Variants in RUNDC3B observed in about 807,000 individuals in gnomAD.
The protein encoded by RUNDC3B is RUN domain-containing protein 3B.
In RUNDC3B, 33 loss-of-function variants were observed where a neutral mutation model predicts 58.4. That is an observed-to-expected ratio of 0.56 (90% CI 0.43 to 0.75). The LOEUF (loss-of-function observed/expected upper bound fraction) is 0.75. RUNDC3B is among the 30% of genes least tolerant of loss of function. The probability of loss-of-function intolerance (pLI) is 0.00; values close to 1 mark genes in which losing one functional copy is unlikely to be tolerated. For synonymous variants in RUNDC3B, 193 were observed against 195.2 expected, an observed-to-expected ratio of 0.99 and a Z score of 0.10; for missense variants, 501 against 535.7, an observed-to-expected ratio of 0.94 and a Z score of 0.64.
intron 6 of RUNDC3B, among the ~76,000 whole-genome samples, chr7:87,767,383 T>C (rs191470104): frequency 5.6e-4 from 86 of 152,270 alleles, no homozygotes; most frequent in Non-Finnish European, 1.0e-3. Context: ...GACTGTTAGG[T>C]ATATTGTCTA....
At chr7:87,737,085 A>G (rs1186721835) in intron 4 of RUNDC3B, among the ~76,000 whole-genome samples, 2 of 150,648 alleles carry the variant, frequency 1.3e-5, no homozygotes, top group Admixed American at 6.6e-5. Flanking sequence ...TTTTTTGTAT[A>G]GGTGGGTTTC....
At chr7:87,651,089 C>T in intron 2 of RUNDC3B, 152 bp downstream of exon 2, 1 of 576,884 alleles carries the variant, frequency 1.7e-6, no homozygotes, top group South Asian at 2.1e-5. Context: ...ACGAAAGAGC[C>T]TCTGTTCTCA....
chr7:87,720,347 A>G (rs940947891), intron 4 of RUNDC3B, among the ~76,000 whole-genome samples: 1 of 152,084 alleles, frequency 6.6e-6, no homozygotes, highest in Non-Finnish European at 1.5e-5. Flanking sequence ...AGGCTGATGG[A>G]GGAGTTACAG....
At chr7:87,757,716 A>G (rs1833449269) in intron 6 of RUNDC3B, among the ~76,000 whole-genome samples, 1 of 152,208 alleles carries the variant, frequency 6.6e-6, no homozygotes, top group Admixed American at 6.5e-5. Context: ...GCTATCATGA[A>G]CAAAAAGAAA....
intron 6 of RUNDC3B, among the ~76,000 whole-genome samples, chr7:87,767,008 C>A (rs1459941925): frequency 6.6e-6 from 1 of 151,850 alleles, no homozygotes. Flanking sequence ...GAAATTCTTT[C>A]TTTTGCTTGG....
chr7:87,641,998 A>T (rs996355853), intron 1 of RUNDC3B, among the ~76,000 whole-genome samples: 1 of 152,058 alleles, frequency 6.6e-6, no homozygotes, highest in Non-Finnish European at 1.5e-5. Flanking sequence ...GTATCTTAAC[A>T]TGATAAGAAA....
chr7:87,772,855 A>G (rs1176947068), intron 7 of RUNDC3B, among the ~76,000 whole-genome samples: 1 of 152,132 alleles, frequency 6.6e-6, no homozygotes, highest in East Asian at 1.9e-4. Flanking sequence ...ATTTAGCTGT[A>G]TGCTATTGAT....
At chr7:87,737,828 A>G (rs2130806573) in intron 4 of RUNDC3B, among the ~76,000 whole-genome samples, 1 of 152,190 alleles carries the variant, frequency 6.6e-6, no homozygotes, top group Non-Finnish European at 1.5e-5. Context: ...ATCTTAAATC[A>G]TTCGCTTAGA....
chr7:87,794,812 C>A (rs1835728576), intron 8 of RUNDC3B, among the ~76,000 whole-genome samples: 1 of 151,988 alleles, frequency 6.6e-6, no homozygotes, highest in Non-Finnish European at 1.5e-5. Context: ...TAATAGACAA[C>A]CAAGAAACAA....
At chr7:87,724,868 TTGAG>T (rs1265486468) in intron 4 of RUNDC3B, among the ~76,000 whole-genome samples, 2 of 152,064 alleles carry the variant, frequency 1.3e-5, no homozygotes, top group Non-Finnish European at 1.5e-5. Context: ...ATACATATTA[TTGAG>T]TAATATTTTT....
At chr7:87,774,702 C>CA (rs1303809612) in intron 7 of RUNDC3B, among the ~76,000 whole-genome samples, 6 of 151,660 alleles carry the variant, frequency 4.0e-5, no homozygotes, top group East Asian at 3.8e-4. Flanking sequence ...AATCCCCCGC[C>CA]AAAAAAAACT....
intron 7 of RUNDC3B, among the ~76,000 whole-genome samples, chr7:87,776,030 G>A (rs1834601385): frequency 6.6e-6 from 1 of 152,102 alleles, no homozygotes; most frequent in Non-Finnish European, 1.5e-5. Context: ...TGAATTTAAT[G>A]AACCACAGTA....
intron 4 of RUNDC3B, among the ~76,000 whole-genome samples, chr7:87,725,778 C>A (rs531774247): frequency 3.4e-4 from 52 of 152,310 alleles, no homozygotes; most frequent in African/African-American, 1.1e-3. Context: ...TTAATAATCG[C>A]CATTCTAACT....
chr7:87,669,761 T>TA (rs1257662832), intron 2 of RUNDC3B, among the ~76,000 whole-genome samples: 1 of 152,228 alleles, frequency 6.6e-6, no homozygotes, highest in Non-Finnish European at 1.5e-5. Context: ...AATTCTTGGT[T>TA]GAAGATTTTT....
chr7:87,696,229 T>C (rs1333253447), intron 2 of RUNDC3B, among the ~76,000 whole-genome samples: 1 of 152,180 alleles, frequency 6.6e-6, no homozygotes, highest in East Asian at 1.9e-4. Context: ...CTTCAAGATA[T>C]AGAGTAGTCA....
chr7:87,813,913 G>A (rs1298105162), intron 9 of RUNDC3B, among the ~76,000 whole-genome samples: 3 of 151,658 alleles, frequency 2.0e-5, no homozygotes, highest in East Asian at 2.0e-4. Context: ...CCCAGCAGGC[G>A]GAGCTTGCAG....
At chr7:87,824,216 A>T (rs1039352672) in intron 10 of RUNDC3B, among the ~76,000 whole-genome samples, 1 of 152,202 alleles carries the variant, frequency 6.6e-6, no homozygotes, top group Non-Finnish European at 1.5e-5. Context: ...AAGAACATCA[A>T]TGTCTAATAA....
intron 6 of RUNDC3B, among the ~76,000 whole-genome samples, chr7:87,750,389 T>C (rs1276610157): frequency 1.3e-5 from 2 of 151,316 alleles, no homozygotes; most frequent in African/African-American, 4.8e-5. Flanking sequence ...TTTGGGTATA[T>C]ACCCAGTAAT....
chr7:87,748,639 C>A (rs1408244540), intron 6 of RUNDC3B, among the ~76,000 whole-genome samples: 1 of 152,040 alleles, frequency 6.6e-6, no homozygotes, highest in Non-Finnish European at 1.5e-5. Flanking sequence ...TTATTGAGTG[C>A]CTAACCATAG....
Sources: gnomAD v4.1 joint callset for allele counts (sites outside exome capture counted in the v4.1 genomes callset) on GRCh38, gnomAD v4.1.1 for gene constraint, MANE v1.5 for transcripts, NCBI Gene and HGNC (gene_info 2026-07-23, HGNC 2026-07-21) for gene names.